CTBP2: variants seen among roughly 807,000 people sequenced by gnomAD.
CTBP2 encodes C-terminal-binding protein 2.
In CTBP2, 30 loss-of-function variants were observed where a neutral mutation model predicts 80.3. The observed-to-expected ratio is 0.37, with a 90% CI of 0.28 to 0.51. The LOEUF (loss-of-function observed/expected upper bound fraction) is 0.51. Among genes scored for constraint, CTBP2 ranks in the 20% least tolerant of loss-of-function variants. CTBP2 has a pLI of 0.93. For synonymous variants in CTBP2, 594 were observed against 587.4 expected (o/e 1.01, Z -0.16); for missense variants, 1,212 against 1,375.3 (o/e 0.88, Z 1.88).
rs1952128678 is a variant in CTBP2 at position 124,988,228 on chromosome 10, G to C, written c.*1290C>G. 1 of 152,634 alleles carries C rather than the reference G, an allele frequency of 6.6e-6. No individual in the cohort carries two copies. Among genetic ancestry groups the C allele is most frequent in the African/African-American group, 2.4e-5 (1 of 41,448 alleles). 9.5% of individuals were successfully genotyped at this position (152,634 alleles called of 1,614,324 possible). On this transcript the variant is annotated 3_prime_UTR_variant, in exon 9 of 9. Transcript: ENST00000309035. Reference sequence around the variant, plus strand: ...GTCTTGAGTCTGGTTATGGAACCCTGTAGTAACAAGAGCTGGAAATTGGCT... The same window carrying C: ...GTCTTGAGTCTGGTTATGGAACCCTCTAGTAACAAGAGCTGGAAATTGGCT...
intron 1 of CTBP2, among the ~76,000 whole-genome samples, chr10:125,148,845 C>A (rs1859289881): frequency 6.6e-6 from 1 of 152,214 alleles, no homozygotes; most frequent in African/African-American, 2.4e-5. Flanking sequence ...CACTTGAAGC[C>A]TCATTCTTAA....
At position 125,049,046 on chromosome 10, in the gene CTBP2, G is replaced by GACACACACACACACACACACACACAC. The variant is rs1178000125; in HGVS notation, c.-101-9917_-101-9892dup. Among the ~76,000 whole-genome samples the GACACACACACACACACACACACACAC allele has an allele frequency of 3.1e-3, 279 of 89,674 alleles. 10 individuals carry two copies. Among genetic ancestry groups the GACACACACACACACACACACACACAC allele is most frequent in the East Asian group, 0.011 (29 of 2,664 alleles). 58.8% of individuals were successfully genotyped at this position (89,674 alleles called of 152,430 possible). A position where few individuals can be genotyped will look rare whatever the true frequency, so the allele number is the denominator to read the frequency against. ...GCCTCAATTTGCCCGCCTGACCACA[G>GACACACACACACACACACACACACAC]ACACACACACACACACACACACACA... On this transcript the variant is annotated intron_variant, in intron 2 of 10. Coordinates refer to the CTBP2 transcript ENST00000337195.
chr10:125,118,692 A>G (rs1162852298), intron 1 of CTBP2, among the ~76,000 whole-genome samples: 1 of 135,318 alleles, frequency 7.4e-6, no homozygotes, highest in Non-Finnish European at 1.6e-5. Context: ...CCTGAACTTG[A>G]AAGAGACCAG....
chr10:125,057,546 T>C (rs1374724852), intron 2 of CTBP2, among the ~76,000 whole-genome samples: 1 of 152,232 alleles, frequency 6.6e-6, no homozygotes, highest in Non-Finnish European at 1.5e-5. Context: ...GATGACGTTT[T>C]TGCTGTGAGT....
At chr10:125,091,439 T>C (rs1280037033) in intron 2 of CTBP2, among the ~76,000 whole-genome samples, 3 of 152,196 alleles carry the variant, frequency 2.0e-5, no homozygotes, top group Non-Finnish European at 4.4e-5. Context: ...ATGATTCCTT[T>C]GGAAGCATCA....
intron 2 of CTBP2, among the ~76,000 whole-genome samples, chr10:125,073,200 A>G (rs1845775720): frequency 1.3e-5 from 2 of 152,234 alleles, no homozygotes; most frequent in Admixed American, 6.5e-5. Context: ...GTCCACTTAG[A>G]AGCTCAAAAA....
intron 2 of CTBP2, among the ~76,000 whole-genome samples, chr10:125,094,200 G>A (rs959344481): frequency 6.6e-6 from 1 of 152,120 alleles, no homozygotes; most frequent in African/African-American, 2.4e-5. Context: ...TCAGTCTCAG[G>A]GATGCTTTGT....
intron 2 of CTBP2, among the ~76,000 whole-genome samples, chr10:125,089,642 C>A (rs530551895): frequency 6.6e-6 from 1 of 152,098 alleles, no homozygotes; most frequent in African/African-American, 2.4e-5. Context: ...GATGTGCAGG[C>A]GAGAGCAGCT....
At chr10:124,989,765 A>T in intron 8 of CTBP2, 67 bp from the exon 11 acceptor site, 1 of 1,433,404 alleles carries the variant, frequency 7.0e-7, no homozygotes, top group Non-Finnish European at 9.3e-7. Flanking sequence ...TGGCTCTTCT[A>T]CTTCTGGCCT....
intron 1 of CTBP2, among the ~76,000 whole-genome samples, chr10:125,022,510 CAGCAGGGGACAGGTCAATGAGGAAGGAA>C (rs1204516497): frequency 2.9e-5 from 4 of 136,878 alleles, no homozygotes; most frequent in African/African-American, 1.5e-4. Flanking sequence ...AAGGAAGGAA[CAGCAGGGGACAGGTCAATGAGGAAGGAA>C]GGAAGAAGTG....
chr10:125,110,460 C>T (rs927189522), intron 2 of CTBP2, among the ~76,000 whole-genome samples: 2 of 152,036 alleles, frequency 1.3e-5, no homozygotes, highest in African/African-American at 4.8e-5. Flanking sequence ...ACCCACATTC[C>T]CAATCTACTC....
At chr10:125,162,173 G>A (rs978516947), upstream of CTBP2, among the ~76,000 whole-genome samples, 3 of 152,236 alleles carry the variant, frequency 2.0e-5, no homozygotes, top group Admixed American at 2.0e-4. Flanking sequence ...GAGATATTAG[G>A]AGCTGGATTG....
chr10:125,105,670 G>A (rs1400257756), intron 2 of CTBP2, among the ~76,000 whole-genome samples: 1 of 151,884 alleles, frequency 6.6e-6, no homozygotes, highest in Non-Finnish European at 1.5e-5. Flanking sequence ...TTAAAACCAA[G>A]ACATTTTTTT....
At position 125,026,304 on chromosome 10, in the gene CTBP2, C is replaced by G. The variant is rs376416104; in HGVS notation, c.1456G>C (p.Val486Leu). 15 of 1,613,778 alleles carry G rather than the reference C, an allele frequency of 9.3e-6. No homozygotes were observed. Among genetic ancestry groups the G allele is most frequent in the Non-Finnish European group, 1.7e-6 (2 of 1,179,964 alleles). Residue 486 changes from valine to leucine, a missense_variant, in exon 1 of 9, where the codon GTG becomes CTG. Transcript: ENST00000309035. Reference sequence around the variant, plus strand: ...TCCCTCTTTAGCAGCTCCATGGGCACCGTGTATGCCGTGGAGTAGGCTGTT... The same window carrying G: ...TCCCTCTTTAGCAGCTCCATGGGCAGCGTGTATGCCGTGGAGTAGGCTGTT...
At chr10:125,130,096 G>A (rs563229906) in intron 1 of CTBP2, among the ~76,000 whole-genome samples, 124 of 150,648 alleles carry the variant, frequency 8.2e-4, no homozygotes, top group African/African-American at 2.8e-3. Flanking sequence ...TGCCCAGGCT[G>A]GAGTGTAATA....
Position 125,066,845 on chromosome 10 carries a change from CAG to C in CTBP2, c.-101-27692_-101-27691del, listed in dbSNP as rs1017635198. ...ATGCCTCAGGGTGAACTCGAGAATCCAGAAGTCTCCAGGGAAGCCCAGTGTGT... is the reference window on the plus strand; with the variant it reads ...ATGCCTCAGGGTGAACTCGAGAATCCAAGTCTCCAGGGAAGCCCAGTGTGT... On this transcript the variant is annotated intron_variant, in intron 2 of 10. Coordinates refer to the CTBP2 transcript ENST00000337195. The surrounding 1 kb of genome is among the most constrained non-coding windows in gnomAD (Gnocchi z 4.1). Among the ~76,000 whole-genome samples, 2 of 152,142 alleles carry C rather than the reference CAG, an allele frequency of 1.3e-5. No homozygotes were observed. Among genetic ancestry groups the C allele is most frequent in the African/African-American group, 4.8e-5 (2 of 41,416 alleles).
At chr10:125,158,364 G>A (rs901999181) in intron 1 of CTBP2, among the ~76,000 whole-genome samples, 5 of 152,122 alleles carry the variant, frequency 3.3e-5, no homozygotes, top group African/African-American at 7.2e-5. Flanking sequence ...TTTCGCCCAA[G>A]TTAGAAAGGC....
intron 1 of CTBP2, among the ~76,000 whole-genome samples, chr10:125,141,898 A>C (rs1857894753): frequency 6.6e-6 from 1 of 152,084 alleles, no homozygotes. Context: ...GAGAAAGGAG[A>C]AAGCGGCCCT....
At chr10:125,013,403 AGTCTCGTGCGGGCACCGCTGCC>A (rs1956137924) in intron 1 of CTBP2, among the ~76,000 whole-genome samples, 1 of 152,216 alleles carries the variant, frequency 6.6e-6, no homozygotes, top group Non-Finnish European at 1.5e-5. Flanking sequence ...GTTGTAAAAT[AGTCTCGTGCGGGCACCGCTGCC>A]GTCAGCCTCT....
Sources: allele counts gnomAD v4.1 joint callset (sites outside exome capture counted in the v4.1 genomes callset), GRCh38; gene constraint gnomAD v4.1.1; non-coding constraint Gnocchi (gnomAD v3.1); transcripts MANE v1.5; gene names NCBI Gene and HGNC (gene_info 2026-07-23, HGNC 2026-07-21).